Variants in RIMS1 observed in about 807,000 individuals in gnomAD.
RIMS1 encodes the protein regulating synaptic membrane exocytosis protein 1.
RIMS1 carries 83 observed loss-of-function variants against 214.1 expected under a neutral mutation model. The observed-to-expected ratio is 0.39, with a 90% CI of 0.32 to 0.47. RIMS1 has a LOEUF of 0.47. Ranked by LOEUF, RIMS1 falls within the 20% of genes least tolerant of loss-of-function variation. The pLI, the probability that RIMS1 is intolerant of heterozygous loss-of-function variation, is 0.99. For synonymous variants in RIMS1, 793 were observed against 786.8 expected (o/e 1.01, Z -0.13); for missense variants, 2,050 against 2,161.8 (o/e 0.95, Z 1.03).
chr6:72,041,588 A>G (rs1458299289), intron 2 of RIMS1, among the ~76,000 whole-genome samples: 1 of 151,900 alleles, frequency 6.6e-6, no homozygotes, highest in African/African-American at 2.4e-5. Context: ...TACTGCTGCT[A>G]TTACTCTCTC....
intron 1 of RIMS1, among the ~76,000 whole-genome samples, chr6:71,887,994 G>A: frequency 6.6e-6 from 1 of 152,150 alleles, no homozygotes; most frequent in African/African-American, 2.4e-5. Flanking sequence ...TCCAATAAGG[G>A]ATTGGGAATT....
intron 9 of RIMS1, among the ~76,000 whole-genome samples, chr6:72,238,643 GTTGAC>G (rs778660535): frequency 5.3e-5 from 8 of 151,944 alleles, no homozygotes; most frequent in Non-Finnish European, 1.2e-4. Flanking sequence ...ATTTCTTCCA[GTTGAC>G]TTGACTGCAG....
chr6:72,203,495 A>T (rs2052392772), intron 6 of RIMS1, among the ~76,000 whole-genome samples: 1 of 152,120 alleles, frequency 6.6e-6, no homozygotes, highest in African/African-American at 2.4e-5. Flanking sequence ...AAGCTTATAG[A>T]CCTGTAGAGA....
intron 2 of RIMS1, among the ~76,000 whole-genome samples, chr6:72,057,547 G>A (rs1293998298): frequency 3.2e-5 from 4 of 125,848 alleles, no homozygotes; most frequent in African/African-American, 1.2e-4. Context: ...TCGCTCTGTT[G>A]CCCAGGCTGG....
At chr6:72,199,000 A>G (rs181903714) in intron 6 of RIMS1, among the ~76,000 whole-genome samples, 60 of 152,172 alleles carry the variant, frequency 3.9e-4, no homozygotes, top group Middle Eastern at 3.4e-3. Context: ...TAGTAGAACT[A>G]ACCCAGAAAT....
At chr6:72,293,293 TCTGA>T (rs1210681311) in intron 26 of RIMS1, among the ~76,000 whole-genome samples, 8 of 152,018 alleles carry the variant, frequency 5.3e-5, no homozygotes, top group Admixed American at 5.2e-4. Context: ...ATTGTGAAAC[TCTGA>T]CTTTCTTTTT....
At chr6:72,295,890 A>T (rs1592367180) in intron 26 of RIMS1, 1 of 353,646 alleles carries the variant, frequency 2.8e-6, no homozygotes, top group Non-Finnish European at 4.0e-6. Flanking sequence ...AAATTTGCTG[A>T]TTTCTTTCTT....
intron 28 of RIMS1, 44 bp downstream of exon 28, chr6:72,313,716 G>T (rs772027479): frequency 2.6e-6 from 4 of 1,534,300 alleles, no homozygotes; most frequent in African/African-American, 1.4e-5. Flanking sequence ...CTTTATCTGT[G>T]ATATAAAAAT....
At chr6:72,042,476 A>G (rs1821725037) in intron 2 of RIMS1, among the ~76,000 whole-genome samples, 1 of 151,884 alleles carries the variant, frequency 6.6e-6, no homozygotes, top group Non-Finnish European at 1.5e-5. Flanking sequence ...TATATATAAC[A>G]TTTTATATCA....
intron 6 of RIMS1, among the ~76,000 whole-genome samples, chr6:72,215,076 A>G (rs975944027): frequency 7.9e-5 from 12 of 152,208 alleles, no homozygotes; most frequent in African/African-American, 4.8e-5. Context: ...AGCGATTTCA[A>G]CCAGACAAAA....
chr6:72,071,227 A>G (rs141494037), intron 2 of RIMS1, among the ~76,000 whole-genome samples: 51 of 152,084 alleles, frequency 3.4e-4, no homozygotes, highest in African/African-American at 1.2e-3. Flanking sequence ...GAGACTCCCC[A>G]ATCTCTACAA....
At chr6:71,912,508 T>C (rs1406954052) in intron 1 of RIMS1, among the ~76,000 whole-genome samples, 1 of 152,164 alleles carries the variant, frequency 6.6e-6, no homozygotes. Flanking sequence ...AGCCTGAGTG[T>C]CTTTAATGAC....
intron 28 of RIMS1, among the ~76,000 whole-genome samples, chr6:72,323,170 T>G (rs1164711284): frequency 6.6e-6 from 1 of 152,046 alleles, no homozygotes; most frequent in Non-Finnish European, 1.5e-5. Flanking sequence ...CAAGACGAAA[T>G]CTTTCTGTCA....
intron 2 of RIMS1, among the ~76,000 whole-genome samples, chr6:72,009,081 T>A (rs968242283): frequency 2.0e-5 from 3 of 151,912 alleles, no homozygotes; most frequent in Non-Finnish European, 4.4e-5. Context: ...GAAGTAAAGC[T>A]CTCCTCAGCA....
intron 4 of RIMS1, among the ~76,000 whole-genome samples, chr6:72,145,729 C>G (rs2042659190): frequency 6.6e-6 from 1 of 152,162 alleles, no homozygotes; most frequent in Non-Finnish European, 1.5e-5. Context: ...ATTGGCTCTG[C>G]AAGTCAAGCT....
intron 2 of RIMS1, among the ~76,000 whole-genome samples, chr6:72,058,978 A>G (rs1827115887): frequency 6.6e-6 from 1 of 152,246 alleles, no homozygotes; most frequent in Admixed American, 6.5e-5. Context: ...AAAGTACTAC[A>G]ACAGAGCTAT....
At chr6:71,933,411 C>T (rs1783619059) in intron 1 of RIMS1, among the ~76,000 whole-genome samples, 2 of 152,086 alleles carry the variant, frequency 1.3e-5, no homozygotes, top group African/African-American at 4.8e-5. Flanking sequence ...GTGCCTGGCA[C>T]ACAGTAGATG....
intron 26 of RIMS1, among the ~76,000 whole-genome samples, chr6:72,292,853 C>T (rs1563675253): frequency 1.3e-5 from 2 of 152,012 alleles, no homozygotes; most frequent in South Asian, 2.1e-4. Context: ...AGTAGAATTA[C>T]TTTTAAGATA....
At chr6:72,064,858 G>T (rs1434233788) in intron 2 of RIMS1, among the ~76,000 whole-genome samples, 3 of 152,176 alleles carry the variant, frequency 2.0e-5, no homozygotes, top group Non-Finnish European at 4.4e-5. Context: ...TTATGGTTTG[G>T]ACATTCAACG....
Sources: gnomAD v4.1 joint callset for allele counts (sites outside exome capture counted in the v4.1 genomes callset) on GRCh38, gnomAD v4.1.1 for gene constraint, MANE v1.5 for transcripts, NCBI Gene and HGNC (gene_info 2026-07-23, HGNC 2026-07-21) for gene names.